SLC2A1: variants seen among roughly 807,000 people sequenced by gnomAD.
The protein encoded by SLC2A1 is solute carrier family 2, facilitated glucose transporter member 1.
In SLC2A1, 4 loss-of-function variants were observed where a neutral mutation model predicts 46.6. The ratio of observed to expected loss-of-function variants is 0.09; its 90% CI spans 0.04 to 0.20. The LOEUF is 0.20. SLC2A1 is among the 10% of genes least tolerant of loss of function. The probability of loss-of-function intolerance (pLI) is 1.00; values close to 1 mark genes in which losing one functional copy is unlikely to be tolerated. For missense variants in SLC2A1, 352 were observed against 667.0 expected (o/e 0.53, Z 5.20); for synonymous variants, 253 against 270.0 (o/e 0.94, Z 0.62).
rs372633705 is a variant in SLC2A1 at position 42,943,353 on chromosome 1, G to A, written c.19-32C>T. 2.7e-5 allele frequency: 41 copies of A among 1,522,808 alleles called. No individual in the cohort carries two copies. The African/African-American group carries it at 3.5e-4, about 13-fold the overall frequency. 94.3% of individuals were successfully genotyped at this position (1,522,808 alleles called of 1,614,324 possible). A position where few individuals can be genotyped will look rare whatever the true frequency, so the allele number is the denominator to read the frequency against. ...AGAAACAAACCACACTGTTATAGGC[G>A]TGTCTGGGAGCAGGTTACTACAGGG... On this transcript the variant is annotated intron_variant, in intron 1 of 9. Coordinates refer to ENST00000426263, the MANE Select transcript of SLC2A1 (RefSeq NM_006516.4).
chr1:42,949,906 G>T (rs77820826), intron 1 of SLC2A1, among the ~76,000 whole-genome samples: 50 of 152,268 alleles, frequency 3.3e-4, no homozygotes, highest in African/African-American at 1.1e-3. Flanking sequence ...CCTTGTTTCC[G>T]GGTACTGGTC....
At position 42,926,923 on chromosome 1, in the gene SLC2A1, A is replaced by T; in HGVS notation, c.*118T>A. On this transcript the variant is annotated 3_prime_UTR_variant, in exon 10 of 10. Transcript: ENST00000426263. The stretch of plus-strand genomic sequence containing the variant: ...GACATCATTGCTGGCTGGAGAAAGG[A>T]GCCCCAGGCCCGGCTCGGCTGACAT... 3 of 1,529,730 alleles carry T rather than the reference A, an allele frequency of 2.0e-6. No homozygotes were observed. In the South Asian group the frequency reaches 3.9e-5, roughly 20 times the overall value. The allele number at this position is 1,529,730 out of a possible 1,614,324, so 94.8% of individuals were successfully genotyped here. A position where few individuals can be genotyped will look rare whatever the true frequency, so the allele number is the denominator to read the frequency against.
At position 42,937,217 on chromosome 1, in the gene SLC2A1, C is replaced by T. The variant is rs143853809; in HGVS notation, c.114+6009G>A. 3.9e-3 allele frequency among the ~76,000 whole-genome samples: 598 copies of T among 152,372 alleles called. 3 individuals carry two copies. Among genetic ancestry groups the T allele is most frequent in the Middle Eastern group, 0.027 (8 of 294 alleles). On this transcript the variant is annotated intron_variant, in intron 2 of 9. Transcript: ENST00000426263. ...CGTGTGCTCCCTGTACAGTAAACCTCAGCACGGAGATGGTCTGTCTGATGC... is the reference window on the plus strand; with the variant it reads ...CGTGTGCTCCCTGTACAGTAAACCTTAGCACGGAGATGGTCTGTCTGATGC...
At chr1:42,953,482 A>T (rs1017454043) in intron 1 of SLC2A1, among the ~76,000 whole-genome samples, 1 of 152,242 alleles carries the variant, frequency 6.6e-6, no homozygotes, top group Non-Finnish European at 1.5e-5. Flanking sequence ...GAATCTGGTC[A>T]GGAGGCCTCC....
intron 2 of SLC2A1, among the ~76,000 whole-genome samples, chr1:42,935,240 G>A (rs553046464): frequency 1.3e-5 from 2 of 152,304 alleles, no homozygotes; most frequent in Admixed American, 1.3e-4. Flanking sequence ...GAAGCAGGTT[G>A]ACTCTGGGCA....
At chr1:42,946,848 G>A (rs1416207641) in intron 1 of SLC2A1, among the ~76,000 whole-genome samples, 1 of 152,150 alleles carries the variant, frequency 6.6e-6, no homozygotes, top group Non-Finnish European at 1.5e-5. Flanking sequence ...ATCATTGCTG[G>A]GCTTGGAAGC....
At position 42,927,568 on chromosome 1, in the gene SLC2A1, G is replaced by A. The variant is rs752767394; in HGVS notation, c.1278+37C>T. The A allele has an allele frequency of 1.9e-6, 3 of 1,551,698 alleles. No homozygotes were observed. Among genetic ancestry groups the A allele is most frequent in the Non-Finnish European group, 2.6e-6 (3 of 1,145,104 alleles). On this transcript the variant is annotated intron_variant, in intron 9 of 9. Transcript: ENST00000426263. This position sits in a 1 kb window ranked among gnomAD's most constrained non-coding sequence, Gnocchi z 5.3. ...ACTTTGCACAGCACTGTGGGGTCAT[G>A]CGTGCGGGTGAGTATAGAGACAGTG...
intron 1 of SLC2A1, among the ~76,000 whole-genome samples, chr1:42,944,823 C>T (rs920276351): frequency 6.6e-6 from 1 of 152,144 alleles, no homozygotes; most frequent in Non-Finnish European, 1.5e-5. Context: ...CTGGGGCTTC[C>T]CTCATACCAC....
rs1398372037 is a variant in SLC2A1, at chr1:42,926,193, TA to T, written c.*847del. On this transcript the variant is annotated 3_prime_UTR_variant, in exon 10 of 10. Transcript: ENST00000426263. ...AGCCATTTATATCTGTTTAGGTAAGTAACAGGAGTGAGGTGGTGTATTTACA... is the reference window on the plus strand; with the variant it reads ...AGCCATTTATATCTGTTTAGGTAAGTACAGGAGTGAGGTGGTGTATTTACA... 1.3e-5 allele frequency: 2 copies of T among 152,718 alleles called. No homozygotes were observed. The highest frequency in any genetic ancestry group is 4.8e-5 in the African/African-American group (2 of 41,458). 9.5% of individuals were successfully genotyped at this position (152,718 alleles called of 1,614,324 possible).
In SLC2A1 at chr1:42,931,278, G is replaced by C. The variant is rs1643487368; in HGVS notation, c.115-72C>G. The C allele has an allele frequency of 5.3e-6, 8 of 1,498,154 alleles. No individual in the cohort carries two copies. The Admixed American group carries it at 1.5e-4, about 28-fold the overall frequency. 92.8% of individuals were successfully genotyped at this position (1,498,154 alleles called of 1,614,324 possible). Reference sequence around the variant, plus strand: ...CCAGTCTTCCTTTTCCTTTCCCCTTGCACCCCTCCCTAAGAGAGGGCCAGG... The same window carrying C: ...CCAGTCTTCCTTTTCCTTTCCCCTTCCACCCCTCCCTAAGAGAGGGCCAGG... On this transcript the variant is annotated intron_variant, in intron 2 of 9. Transcript: ENST00000426263.
intron 1 of SLC2A1, among the ~76,000 whole-genome samples, chr1:42,949,987 C>A (rs895237785): frequency 6.6e-6 from 1 of 152,314 alleles, no homozygotes; most frequent in African/African-American, 2.4e-5. Context: ...ACTCTCTGAG[C>A]CTTGCCCACT....
chr1:42,935,105 G>T (rs1439645841), intron 2 of SLC2A1, among the ~76,000 whole-genome samples: 1 of 152,160 alleles, frequency 6.6e-6, no homozygotes, highest in Admixed American at 6.5e-5. Flanking sequence ...GGGAGGAGCG[G>T]TTCTGGTTAG....
intron 1 of SLC2A1, among the ~76,000 whole-genome samples, chr1:42,950,532 C>T (rs964403674): frequency 6.6e-5 from 10 of 152,198 alleles, no homozygotes; most frequent in Admixed American, 2.0e-4. Flanking sequence ...AACTGACACC[C>T]CTGAGAAGAT....
intron 2 of SLC2A1, among the ~76,000 whole-genome samples, chr1:42,939,805 G>A (rs1306028234): frequency 6.6e-6 from 1 of 152,034 alleles, no homozygotes; most frequent in African/African-American, 2.4e-5. Context: ...AAAATTAGCT[G>A]GGCGTGGTGG....
rs142986731 is a variant in SLC2A1 at position 42,931,142 on chromosome 1, G to A, written c.179C>T (p.Thr60Met). 56 of 1,614,056 alleles carry A rather than the reference G, an allele frequency of 3.5e-5. No homozygotes were observed. The Middle Eastern group carries it at 6.6e-4, about 19-fold the overall frequency. Reference protein sequence around the residue: ...HRYGESILPTTLTTLWSLSVA... With the variant: ...HRYGESILPTMLTTLWSLSVA... ...TGAGAGGGACCAGAGCGTGGTGAGCGTGGTGGGCAGGATGCTCTCCCCATA... is the reference window on the plus strand; with the variant it reads ...TGAGAGGGACCAGAGCGTGGTGAGCATGGTGGGCAGGATGCTCTCCCCATA... Residue 60 changes from threonine (T) to methionine (M), a missense_variant, in exon 3 of 10, where the codon ACG becomes ATG. Coordinates refer to ENST00000426263, the MANE Select transcript of SLC2A1 (RefSeq NM_006516.4).
In SLC2A1 at chr1:42,929,969, T is replaced by A. The variant is rs774524003; in HGVS notation, c.583A>T (p.Ile195Phe). The A allele has an allele frequency of 1.9e-6, 3 of 1,614,028 alleles. No individual in the cohort carries two copies. Among genetic ancestry groups the A allele is most frequent in the Non-Finnish European group, 2.5e-6 (3 of 1,179,988 alleles). Residue 195 changes from isoleucine (I) to phenylalanine (F), a missense_variant, in exon 5 of 10, where the codon ATC (isoleucine) becomes TTC (phenylalanine). By Grantham distance (21) the Ile-to-Phe change is conservative. Transcript: ENST00000426263. The surrounding 1 kb of genome is among the most constrained non-coding windows in gnomAD (Gnocchi z 6.0). ...ACGATGCACTGCAGCAGGGCCGGGA[T>A]GAAGATGATGCTCAGCAGCAGGGGC... is the stretch of plus-strand genomic sequence containing the variant. ...LWPLLLSIIF[I>F]PALLQCIVLP...
chr1:42,943,446 TCTCCCAGGAAACTTGGCCAATTCCTGAC>T (rs1237785678), intron 1 of SLC2A1, 125 bp from the exon 2 acceptor site: 2 of 783,670 alleles, frequency 2.6e-6, no homozygotes, highest in African/African-American at 3.4e-5. Flanking sequence ...CACCAGTCTT[TCTCCCAGGAAACTTGGCCAATTCCTGAC>T]CTTAGGTGCC....
intron 1 of SLC2A1, among the ~76,000 whole-genome samples, chr1:42,946,436 G>T (rs909261084): frequency 6.6e-6 from 1 of 151,994 alleles, no homozygotes; most frequent in African/African-American, 2.4e-5. Context: ...TGGGGTGGGG[G>T]CAGTGGGGAG....
intron 2 of SLC2A1, among the ~76,000 whole-genome samples, chr1:42,940,023 C>T (rs1472736127): frequency 6.7e-6 from 1 of 149,984 alleles, no homozygotes; most frequent in Non-Finnish European, 1.5e-5. Flanking sequence ...TCTGCTCCGA[C>T]ACCACCCTCC....
Sources: gnomAD v4.1 joint callset for allele counts (sites outside exome capture counted in the v4.1 genomes callset) on GRCh38, gnomAD v4.1.1 for gene constraint, Gnocchi (gnomAD v3.1) non-coding constraint, MANE v1.5 for transcripts, NCBI Gene and HGNC (gene_info 2026-07-23, HGNC 2026-07-21) for gene names.